The following DOK6 variants were observed in gnomAD, a reference collection of about 807,000 sequenced individuals.
DOK6 encodes downstream of tyrosine kinase 6.
Under a neutral mutation model 44.0 loss-of-function variants are expected in DOK6, and 22 were observed. The ratio of observed to expected loss-of-function variants is 0.50; its 90% CI spans 0.36 to 0.71. The LOEUF is 0.71. Among genes scored for constraint, DOK6 ranks in the 30% least tolerant of loss-of-function variants. The probability of loss-of-function intolerance (pLI) is 0.00; values close to 1 mark genes in which losing one functional copy is unlikely to be tolerated. For synonymous variants in DOK6, 166 were observed against 145.5 expected, an observed-to-expected ratio of 1.14 and a Z score of -1.01; for missense variants, 340 against 416.4, an observed-to-expected ratio of 0.82 and a Z score of 1.60.
At chr18:69,824,500 C>T (rs1164026273) in intron 7 of DOK6, among the ~76,000 whole-genome samples, 1 of 151,818 alleles carries the variant, frequency 6.6e-6, no homozygotes, top group Non-Finnish European at 1.5e-5. Flanking sequence ...GTAGCTGAAA[C>T]CAAGGCACGT....
chr18:69,662,360 C>T (rs558167182), intron 3 of DOK6: 14 of 152,342 alleles, frequency 9.2e-5, no homozygotes, highest in African/African-American at 3.1e-4. Context: ...ACACTTTACT[C>T]AGGATGTGTA....
chr18:69,587,937 G>A (rs192377584), intron 2 of DOK6, among the ~76,000 whole-genome samples: 9 of 152,184 alleles, frequency 5.9e-5, no homozygotes, highest in African/African-American at 1.9e-4. Flanking sequence ...AAGGTAATGA[G>A]GTTTTTCTGG....
At chr18:69,642,254 C>T (rs1332672960) in intron 3 of DOK6, among the ~76,000 whole-genome samples, 4 of 152,284 alleles carry the variant, frequency 2.6e-5, no homozygotes, top group African/African-American at 9.6e-5. Flanking sequence ...TCACAACCAA[C>T]ATATTTAATA....
chr18:69,672,545 T>A (rs10451411), intron 3 of DOK6, among the ~76,000 whole-genome samples: 122,521 of 151,694 alleles, frequency 0.81, 49,630 homozygotes, highest in East Asian at 0.97. Flanking sequence ...TTTAGTAGAT[T>A]CGGGGTTTCG....
intron 1 of DOK6, among the ~76,000 whole-genome samples, chr18:69,431,633 C>T (rs924433795): frequency 3.6e-4 from 55 of 152,132 alleles, no homozygotes; most frequent in Non-Finnish European, 7.4e-4. Flanking sequence ...CTGATTTTTA[C>T]AGTCCCAATT....
At chr18:69,656,128 A>G (rs1985362275) in intron 3 of DOK6, among the ~76,000 whole-genome samples, 1 of 152,202 alleles carries the variant, frequency 6.6e-6, no homozygotes, top group Admixed American at 6.5e-5. Context: ...CTGCTGTTAG[A>G]ATGGAATGAC....
intron 7 of DOK6, among the ~76,000 whole-genome samples, chr18:69,774,029 G>A (rs1338123632): frequency 6.8e-6 from 1 of 146,948 alleles, no homozygotes; most frequent in Non-Finnish European, 1.5e-5. Context: ...ATCAGTCAAT[G>A]AGTGGATAAA....
Position 69,699,242 on chromosome 18 carries a change from G to T in DOK6, c.599+649G>T, listed in dbSNP as rs184325829. Among the ~76,000 whole-genome samples, 438 of 152,154 alleles carry T rather than the reference G, an allele frequency of 2.9e-3. 5 individuals carry two copies. The highest frequency in any genetic ancestry group is 2.5e-3 in the Non-Finnish European group (172 of 68,006). Reference sequence around the variant, plus strand: ...CTTAGGTTTGGGGATTTTATATGAGGAGATGTTTAATGCTTCCATCTTCAC... The same window carrying T: ...CTTAGGTTTGGGGATTTTATATGAGTAGATGTTTAATGCTTCCATCTTCAC... On this transcript the variant is annotated intron_variant, in intron 5 of 7. Transcript: ENST00000382713.
intron 1 of DOK6, among the ~76,000 whole-genome samples, chr18:69,402,887 GA>G (rs1369693469): frequency 1.3e-5 from 2 of 152,184 alleles, no homozygotes; most frequent in Admixed American, 1.3e-4. Context: ...GAACCCACGG[GA>G]AAAGCTGCGG....
At chr18:69,703,935 G>C (rs1986576263) in intron 5 of DOK6, among the ~76,000 whole-genome samples, 1 of 152,146 alleles carries the variant, frequency 6.6e-6, no homozygotes, top group African/African-American at 2.4e-5. Context: ...TTTATAAGAA[G>C]GAGAAAGAAA....
At chr18:69,403,496 G>T (rs1916141479) in intron 1 of DOK6, among the ~76,000 whole-genome samples, 1 of 152,172 alleles carries the variant, frequency 6.6e-6, no homozygotes, top group African/African-American at 2.4e-5. Context: ...GTAAAGTGCA[G>T]CCTTCATAGA....
At chr18:69,627,593 C>A (rs1289199440) in intron 3 of DOK6, among the ~76,000 whole-genome samples, 2 of 152,160 alleles carry the variant, frequency 1.3e-5, no homozygotes, top group Admixed American at 6.5e-5. Flanking sequence ...GGACTGCAGG[C>A]GCCCGCCACC....
At chr18:69,797,149 G>A (rs781035347) in intron 7 of DOK6, among the ~76,000 whole-genome samples, 1 of 152,026 alleles carries the variant, frequency 6.6e-6, no homozygotes, top group Non-Finnish European at 1.5e-5. Context: ...CACAAAACCT[G>A]CCCCAAATGA....
intron 1 of DOK6, among the ~76,000 whole-genome samples, chr18:69,476,453 G>A (rs994424835): frequency 4.6e-5 from 7 of 151,650 alleles, no homozygotes; most frequent in African/African-American, 1.7e-4. Context: ...TTCTTGGAAG[G>A]CACGGGTAAT....
intron 7 of DOK6, among the ~76,000 whole-genome samples, chr18:69,818,037 C>G (rs1306310657): frequency 6.6e-6 from 1 of 152,192 alleles, no homozygotes; most frequent in Non-Finnish European, 1.5e-5. Flanking sequence ...ACAAAACATA[C>G]ACCATACACC....
Position 69,847,439 on chromosome 18 carries a change from G to A in DOK6, c.*6056G>A, listed in dbSNP as rs1982369825. The A allele has an allele frequency of 6.6e-6, 1 of 152,168 alleles. No individual in the cohort carries two copies. Among genetic ancestry groups the A allele is most frequent in the Admixed American group, 6.5e-5 (1 of 15,276 alleles). 9.4% of individuals were successfully genotyped at this position (152,168 alleles called of 1,614,324 possible). A position where few individuals can be genotyped will look rare whatever the true frequency, so the allele number is the denominator to read the frequency against. On this transcript the variant is annotated 3_prime_UTR_variant, in exon 8 of 8. Transcript: ENST00000382713. The stretch of plus-strand genomic sequence containing the variant: ...CCTCAAGAGACCCACAGCCTCAAAA[G>A]AGTTGCTTATTATCAGATGTCCGAA...
chr18:69,465,233 G>A (rs930928179), intron 1 of DOK6, among the ~76,000 whole-genome samples: 2 of 151,846 alleles, frequency 1.3e-5, no homozygotes, highest in Non-Finnish European at 2.9e-5. Context: ...GGATAAATTT[G>A]TATTTTCATT....
intron 4 of DOK6, 95 bp downstream of exon 4, chr18:69,677,948 A>G: frequency 6.8e-7 from 1 of 1,468,868 alleles, no homozygotes; most frequent in Non-Finnish European, 9.1e-7. Flanking sequence ...CAGACCAATC[A>G]TATTTTTTAA....
chr18:69,498,433 C>T (rs1268582654), intron 1 of DOK6, among the ~76,000 whole-genome samples: 2 of 151,952 alleles, frequency 1.3e-5, no homozygotes, highest in Non-Finnish European at 2.9e-5. Context: ...CCAGACAGGG[C>T]CATTCTTATT....
Sources: allele counts gnomAD v4.1 joint callset (sites outside exome capture counted in the v4.1 genomes callset), GRCh38; gene constraint gnomAD v4.1.1; transcripts MANE v1.5; gene names NCBI Gene and HGNC (gene_info 2026-07-23, HGNC 2026-07-21).